SLC25A18: variants seen among roughly 807,000 people sequenced by gnomAD.
The protein encoded by SLC25A18 is solute carrier family 25 member 18.
In SLC25A18, 24 loss-of-function variants were observed where a neutral mutation model predicts 31.1. The ratio of observed to expected loss-of-function variants is 0.77; its 90% confidence interval spans 0.56 to 1.08. SLC25A18 has a LOEUF of 1.08. SLC25A18 is among the 50% of genes least tolerant of loss of function. The pLI is 0.00. For synonymous variants in SLC25A18, 173 were observed against 161.9 expected, an observed-to-expected ratio of 1.07 and a Z score of -0.52; for missense variants, 371 against 418.5, an observed-to-expected ratio of 0.89 and a Z score of 0.99.
Position 17,583,470 on chromosome 22 carries a change from C to A in SLC25A18, c.345C>A (p.Cys115Ter). 3 of 1,614,052 alleles carry A rather than the reference C, an allele frequency of 1.9e-6. No individual in the cohort carries two copies. Among genetic ancestry groups the A allele is most frequent in the Non-Finnish European group, 2.5e-6 (3 of 1,179,992 alleles). ...TTGCCGGGTGTGGGGCTGGGATGTG[C>A]CAGGTCGTGGTGACCTGTCCCATGG... is the stretch of plus-strand genomic sequence containing the variant. The part of the protein sequence containing the change: ...EMLAGCGAGM[C>*]QVVVTCPMEM... Residue 115 changes from cysteine (C) to a stop codon, truncating the protein, a stop_gained, in exon 7 of 11, where the codon TGC (cysteine) becomes TGA (stop). Transcript: ENST00000327451. LOFTEE classifies it high-confidence loss of function.
At chr22:17,565,447 C>T (rs1012650935) in intron 1 of SLC25A18, among the ~76,000 whole-genome samples, 1 of 152,086 alleles carries the variant, frequency 6.6e-6, no homozygotes, top group Non-Finnish European at 1.5e-5. Context: ...GATCATAGCT[C>T]ACTGCAGCCT....
intron 7 of SLC25A18, among the ~76,000 whole-genome samples, chr22:17,586,726 C>A (rs2057559101): frequency 6.6e-6 from 1 of 152,136 alleles, no homozygotes; most frequent in Admixed American, 6.5e-5. Flanking sequence ...TTGCAGTGAG[C>A]CGAGATCGCA....
At chr22:17,586,645 T>G (rs139700003) in intron 7 of SLC25A18, among the ~76,000 whole-genome samples, 1,724 of 152,250 alleles carry the variant, frequency 0.011, 42 homozygotes, top group African/African-American at 0.039. Flanking sequence ...CCAGGTGTGG[T>G]GCATGTGCCT....
rs1296856203 is a variant in SLC25A18 at position 17,590,084 on chromosome 22, T to C, written c.807-11T>C. On this transcript the variant is annotated splice_polypyrimidine_tract_variant and intron_variant, in intron 10 of 10. Transcript: ENST00000327451. ...CTGCCCATCAGCTCACTGGCTCTTC[T>C]TTCTCCCCAGGAAACTCTGGATTCA... is the stretch of plus-strand genomic sequence containing the variant. The C allele has an allele frequency of 1.9e-6, 3 of 1,613,698 alleles. No individual in the cohort carries two copies. Among genetic ancestry groups the C allele is most frequent in the African/African-American group, 1.3e-5 (1 of 74,920 alleles).
chr22:17,574,875 G>A (rs1037242318), intron 2 of SLC25A18, among the ~76,000 whole-genome samples: 1 of 88,854 alleles, frequency 1.1e-5, no homozygotes, highest in African/African-American at 4.7e-5. Flanking sequence ...TTTTTGAGAT[G>A]GAGTCTCGCT....
chr22:17,580,041 G>C, intron 3 of SLC25A18, 77 bp downstream of exon 3: 2 of 1,448,682 alleles, frequency 1.4e-6, no homozygotes, highest in East Asian at 2.4e-5. Context: ...GCACATCCAG[G>C]TTTCTGAAGA....
chr22:17,571,149 G>A (rs542013075), intron 2 of SLC25A18, among the ~76,000 whole-genome samples: 3 of 152,336 alleles, frequency 2.0e-5, no homozygotes, highest in East Asian at 3.9e-4. Context: ...CGAGAGCCGT[G>A]GGAAGGCAGC....
Position 17,590,511 on chromosome 22 carries a change from G to A in SLC25A18, c.*275G>A, listed in dbSNP as rs574304660. ...ACTTTTCAACAAAAATGGTACTTTC[G>A]TTGTATTAATTGCAGGACCTTAACA... On this transcript the variant is annotated 3_prime_UTR_variant, in exon 11 of 11. Coordinates refer to ENST00000327451, the MANE Select transcript of SLC25A18 (RefSeq NM_031481.3). 5.1e-5 allele frequency: 18 copies of A among 354,632 alleles called. No individual in the cohort carries two copies. The highest frequency in any genetic ancestry group is 1.4e-4 in the African/African-American group (7 of 49,576). 22.0% of individuals were successfully genotyped at this position (354,632 alleles called of 1,614,324 possible).
At position 17,590,134 on chromosome 22, in the gene SLC25A18, A is replaced by G. The variant is rs1206455876; in HGVS notation, c.846A>G (p.Lys282=). 6.2e-7 allele frequency: 1 copy of G among 1,614,208 alleles called. No individual in the cohort carries two copies. Among genetic ancestry groups the G allele is most frequent in the East Asian group, 2.2e-5 (1 of 44,888 alleles). The change falls in exon 11 of 11, where the codon AAA becomes AAG. Residue 282 remains lysine, a synonymous_variant. Coordinates refer to ENST00000327451, the MANE Select transcript of SLC25A18 (RefSeq NM_031481.3). Reference sequence around the variant, plus strand: ...AGGAGGGACCATCTGCCTTCATGAAAGGCGCTGGCTGCCGGGCACTGGTCA... The same window carrying G: ...AGGAGGGACCATCTGCCTTCATGAAGGGCGCTGGCTGCCGGGCACTGGTCA... ...WIQEGPSAFM[K]GAGCRALVIA...
At chr22:17,576,353 CA>C (rs572658984) in intron 2 of SLC25A18, among the ~76,000 whole-genome samples, 4,100 of 122,710 alleles carry the variant, frequency 0.033, 174 homozygotes, top group African/African-American at 0.11. Context: ...GACTCCGTCT[CA>C]AAAAAAAAAA....
intron 1 of SLC25A18, among the ~76,000 whole-genome samples, chr22:17,565,602 T>A (rs2056916178): frequency 6.7e-6 from 1 of 149,820 alleles, no homozygotes; most frequent in Non-Finnish European, 1.5e-5. Flanking sequence ...GTGTGTTGGC[T>A]CACGCCTGTA....
chr22:17,582,595 G>C lies in SLC25A18; in HGVS notation c.232G>C (p.Glu78Gln). The C allele has an allele frequency of 6.2e-7, 1 of 1,604,456 alleles. No homozygotes were observed. Among genetic ancestry groups the C allele is most frequent in the Admixed American group, 1.7e-5 (1 of 58,876 alleles). The change falls in exon 6 of 11, where the codon GAG (glutamate) becomes CAG (glutamine). Residue 78 changes from glutamate to glutamine, a missense_variant. Transcript: ENST00000327451. ...AGTGAACCTCACTCTGGTCACTCCA[G>C]AGAAGGCCATCAAGCTGGCGGCCAA... ...AAVNLTLVTP[E>Q]KAIKLAANDF...
intron 1 of SLC25A18, among the ~76,000 whole-genome samples, chr22:17,565,603 C>T (rs1045977449): frequency 1.3e-5 from 2 of 151,342 alleles, no homozygotes; most frequent in Admixed American, 6.6e-5. Flanking sequence ...TGTGTTGGCT[C>T]ACGCCTGTAA....
rs149811621 is a variant in SLC25A18, at chr22:17,589,580, C to T, written c.731-10C>T. The T allele has an allele frequency of 3.8e-5, 61 of 1,613,726 alleles. 1 individual carries two copies. The African/African-American group carries it at 5.5e-4, about 14-fold the overall frequency. ...TGTTCACTACTTACTTTAACTTTTA[C>T]TTGATTTAGTTCTGAAAACTCGAAT... On this transcript the variant is annotated splice_polypyrimidine_tract_variant and intron_variant, in intron 9 of 10. Coordinates refer to ENST00000327451, the MANE Select transcript of SLC25A18 (RefSeq NM_031481.3).
At chr22:17,587,025 G>C (rs941598534) in intron 7 of SLC25A18, 111 bp from the exon 8 acceptor site, 1 of 1,235,182 alleles carries the variant, frequency 8.1e-7, no homozygotes, top group Admixed American at 2.3e-5. Flanking sequence ...CAGCTGAGGT[G>C]TCAGCCTGGC....
intron 5 of SLC25A18, 52 bp from the exon 6 acceptor site, chr22:17,582,511 C>A (rs2146255976): frequency 6.8e-7 from 1 of 1,472,200 alleles, no homozygotes; most frequent in South Asian, 1.2e-5. Flanking sequence ...AGACCTGGGG[C>A]ACTGTTATTT....
intron 2 of SLC25A18, among the ~76,000 whole-genome samples, chr22:17,573,569 T>C (rs2057153740): frequency 1.3e-5 from 2 of 152,176 alleles, no homozygotes; most frequent in African/African-American, 2.4e-5. Context: ...TGAGGTGTTC[T>C]TTCTGTCAAG....
Position 17,581,052 on chromosome 22 carries a change from C to T in SLC25A18, c.36C>T (p.Leu12=). The T allele has an allele frequency of 6.4e-7, 1 of 1,554,186 alleles. No homozygotes were observed. Among genetic ancestry groups the T allele is most frequent in the Non-Finnish European group, 8.7e-7 (1 of 1,147,962 alleles). ...CCTGTCCTAGCATCACAGCCAAACT[C>T]ATCAATGGAGGTGTAGCAGGGCTCG... is the stretch of plus-strand genomic sequence containing the variant. The part of the protein sequence containing the change: ...THQDLSITAK[L]INGGVAGLVG... The change falls in exon 4 of 11, where the codon CTC becomes CTT. Residue 12 remains leucine (L), a synonymous_variant. Transcript: ENST00000327451.
At chr22:17,589,995 C>A in intron 10 of SLC25A18, 100 bp from the exon 11 acceptor site, 1 of 1,501,840 alleles carries the variant, frequency 6.7e-7, no homozygotes, top group Admixed American at 1.9e-5. Context: ...GTGGAAGGCA[C>A]TATTCTAAAA....
Sources: allele counts gnomAD v4.1 joint callset (sites outside exome capture counted in the v4.1 genomes callset), GRCh38; gene constraint gnomAD v4.1.1; transcripts MANE v1.5; gene names NCBI Gene and HGNC (gene_info 2026-07-23, HGNC 2026-07-21).